Variants in INO80 observed in about 807,000 individuals in gnomAD.
INO80 encodes the protein INO80 complex ATPase subunit, also known as chromatin-remodeling ATPase INO80.
Under a neutral mutation model 203.4 loss-of-function variants are expected in INO80, and 20 were observed. The observed-to-expected ratio is 0.10, with a 90% CI of 0.07 to 0.14. The LOEUF is 0.14. Ranked by LOEUF, INO80 falls within the 10% of genes least tolerant of loss-of-function variation. The probability of loss-of-function intolerance (pLI) is 1.00; values close to 1 mark genes in which losing one functional copy is unlikely to be tolerated. For synonymous variants in INO80, 726 were observed against 685.2 expected, an observed-to-expected ratio of 1.06 and a Z score of -0.93; for missense variants, 1,419 against 1,914.4, an observed-to-expected ratio of 0.74 and a Z score of 4.83.
chr15:41,109,732 G>C (rs540837943), intron 1 of INO80, among the ~76,000 whole-genome samples: 2 of 151,874 alleles, frequency 1.3e-5, no homozygotes, highest in Non-Finnish European at 2.9e-5. Context: ...AGGAGTTTGA[G>C]ACCAGCCTGG....
At chr15:41,050,533 T>C (rs1566928629) in intron 19 of INO80, among the ~76,000 whole-genome samples, 2 of 152,192 alleles carry the variant, frequency 1.3e-5, no homozygotes, top group South Asian at 4.1e-4. Flanking sequence ...ATTCCTTCAG[T>C]TGGGAAAGAC....
intron 14 of INO80, among the ~76,000 whole-genome samples, chr15:41,062,374 G>T (rs1433348758): frequency 2.0e-5 from 3 of 152,118 alleles, no homozygotes; most frequent in South Asian, 2.1e-4. Context: ...GGCTGAGGCG[G>T]ATGGATCACC....
At chr15:41,091,171 G>A (rs1292355643) in intron 5 of INO80, among the ~76,000 whole-genome samples, 11 of 151,984 alleles carry the variant, frequency 7.2e-5, no homozygotes, top group East Asian at 1.9e-4. Flanking sequence ...TGATTCACCC[G>A]CCTGGGCCTC....
At chr15:41,067,119 C>G (rs2045234154) in intron 14 of INO80, among the ~76,000 whole-genome samples, 1 of 152,068 alleles carries the variant, frequency 6.6e-6, no homozygotes, top group South Asian at 2.1e-4. Context: ...CTCTGTCGCC[C>G]AGGCTGGAGT....
chr15:40,985,313 A>G, intron 32 of INO80, 25 bp downstream of exon 32: 2 of 1,575,240 alleles, frequency 1.3e-6, no homozygotes, highest in Non-Finnish European at 8.7e-7. Context: ...ATTAGCCCCT[A>G]TCCACCATTC....
At chr15:40,981,757 C>T (rs1893841092) in intron 35 of INO80, among the ~76,000 whole-genome samples, 1 of 152,194 alleles carries the variant, frequency 6.6e-6, no homozygotes, top group Non-Finnish European at 1.5e-5. Context: ...ACAACAGCCA[C>T]TTTTTTCCTC....
At chr15:41,107,437 G>A (rs2045896646) in intron 1 of INO80, among the ~76,000 whole-genome samples, 3 of 152,052 alleles carry the variant, frequency 2.0e-5, no homozygotes, top group Admixed American at 1.3e-4. Flanking sequence ...GGAGATGAAG[G>A]TTGCAGTGAG....
At chr15:41,096,457 C>T in intron 1 of INO80, 104 bp from the exon 2 acceptor site, 1 of 720,790 alleles carries the variant, frequency 1.4e-6, no homozygotes, top group Non-Finnish European at 2.0e-6. Context: ...TTCTAGAACA[C>T]AAGACACTGA....
chr15:41,110,525 A>G (rs2140713240), intron 1 of INO80, among the ~76,000 whole-genome samples: 1 of 152,070 alleles, frequency 6.6e-6, no homozygotes, highest in Admixed American at 6.6e-5. Flanking sequence ...TATAGCCTTG[A>G]CCTGCTGAGC....
At chr15:41,110,254 A>G (rs1334384929) in intron 1 of INO80, among the ~76,000 whole-genome samples, 2 of 147,952 alleles carry the variant, frequency 1.4e-5, no homozygotes, top group Non-Finnish European at 3.0e-5. Context: ...AAGCTATTCT[A>G]CTGCCTCAGC....
intron 7 of INO80, among the ~76,000 whole-genome samples, chr15:41,083,783 T>C (rs2045520419): frequency 1.3e-5 from 2 of 151,728 alleles, no homozygotes; most frequent in South Asian, 2.1e-4. Flanking sequence ...TACTAACCTA[T>C]ATGAAGTATA....
At chr15:41,027,117 A>G (rs1217098045) in intron 25 of INO80, among the ~76,000 whole-genome samples, 3 of 152,218 alleles carry the variant, frequency 2.0e-5, no homozygotes, top group Non-Finnish European at 4.4e-5. Flanking sequence ...AGAAAACACA[A>G]CACTGAGAAG....
At chr15:41,047,339 C>T (rs2044786098) in intron 23 of INO80, 69 bp downstream of exon 23, 1 of 886,986 alleles carries the variant, frequency 1.1e-6, no homozygotes, top group Non-Finnish European at 1.8e-6. Context: ...TATTTAATTC[C>T]ACAGTATTCA....
intron 22 of INO80, 55 bp from the exon 23 acceptor site, chr15:41,047,556 G>GTTGAGCAGGCT: frequency 1.7e-6 from 2 of 1,208,704 alleles, no homozygotes; most frequent in Non-Finnish European, 2.4e-6. Flanking sequence ...ACGATGCTCA[G>GTTGAGCAGGCT]TTAAAGCCTG....
At chr15:41,084,236 G>C (rs1490766053) in intron 7 of INO80, among the ~76,000 whole-genome samples, 1 of 149,390 alleles carries the variant, frequency 6.7e-6, no homozygotes, top group African/African-American at 2.5e-5. Context: ...CATCTGGTTT[G>C]CAACTATTAA....
chr15:41,102,365 G>A (rs1457476590), intron 1 of INO80, among the ~76,000 whole-genome samples: 2 of 151,748 alleles, frequency 1.3e-5, no homozygotes, highest in East Asian at 1.9e-4. Flanking sequence ...TTCATTTCAG[G>A]ATTTTAAAAA....
chr15:41,053,820 G>A (rs948204629), intron 19 of INO80, 109 bp downstream of exon 19: 6 of 701,726 alleles, frequency 8.6e-6, no homozygotes, highest in South Asian at 7.2e-5. Flanking sequence ...AAGTTTAAAC[G>A]TCTTCCTTCA....
intron 13 of INO80, among the ~76,000 whole-genome samples, chr15:41,070,250 G>A (rs1291991918): frequency 6.6e-6 from 1 of 152,200 alleles, no homozygotes; most frequent in Non-Finnish European, 1.5e-5. Flanking sequence ...GAGCGGAAAG[G>A]AGTGTCTCAA....
chr15:41,022,123 G>A (rs1196409643), intron 25 of INO80, among the ~76,000 whole-genome samples: 1 of 152,212 alleles, frequency 6.6e-6, no homozygotes, highest in Non-Finnish European at 1.5e-5. Context: ...ATGCTCATTG[G>A]AGCATTTTGG....
Sources: allele counts gnomAD v4.1 joint callset (sites outside exome capture counted in the v4.1 genomes callset), GRCh38; gene constraint gnomAD v4.1.1; transcripts MANE v1.5; gene names NCBI Gene and HGNC (gene_info 2026-07-23, HGNC 2026-07-21).